COPS2: variants seen among roughly 807,000 people sequenced by gnomAD.
COPS2 encodes the protein COP9 signalosome complex subunit 2.
In COPS2, 10 loss-of-function variants were observed where a neutral mutation model predicts 66.1. That is an observed-to-expected ratio of 0.15 (90% confidence interval 0.09 to 0.26). The LOEUF is 0.26. Ranked by LOEUF, COPS2 falls within the 10% of genes least tolerant of loss-of-function variation. The pLI is 1.00. For synonymous variants in COPS2, 179 were observed against 171.3 expected (o/e 1.04, Z -0.35); for missense variants, 215 against 513.3 (o/e 0.42, Z 5.62).
At chr15:49,145,366 C>T (rs912253668) in intron 1 of COPS2, among the ~76,000 whole-genome samples, 5 of 152,074 alleles carry the variant, frequency 3.3e-5, no homozygotes, top group Non-Finnish European at 7.4e-5. Context: ...AAGAATGCAA[C>T]CTAATATTGG....
intron 1 of COPS2, among the ~76,000 whole-genome samples, chr15:49,148,477 T>C (rs2084337089): frequency 6.6e-6 from 1 of 152,130 alleles, no homozygotes; most frequent in Non-Finnish European, 1.5e-5. Flanking sequence ...GCAATTAACA[T>C]GCAAATGCAA....
intron 1 of COPS2, among the ~76,000 whole-genome samples, chr15:49,153,567 T>C (rs1170496205): frequency 6.6e-6 from 1 of 152,132 alleles, no homozygotes; most frequent in East Asian, 1.9e-4. Context: ...AGAAAATCGG[T>C]CTATTAAAGG....
chr15:49,128,790 T>C, intron 11 of COPS2, 30 bp from the exon 12 acceptor site: 1 of 1,424,032 alleles, frequency 7.0e-7, no homozygotes, highest in Non-Finnish European at 9.8e-7. Flanking sequence ...ATATACCAAT[T>C]AACATTTTAA....
intron 2 of COPS2, 34 bp from the exon 3 acceptor site, chr15:49,144,338 A>C: frequency 8.2e-7 from 1 of 1,217,178 alleles, no homozygotes; most frequent in South Asian, 1.2e-5. Context: ...GTTTATCTTA[A>C]TATTAACACA....
At chr15:49,142,247 A>G (rs1239966647) in intron 3 of COPS2, among the ~76,000 whole-genome samples, 2 of 152,236 alleles carry the variant, frequency 1.3e-5, no homozygotes, top group Admixed American at 1.3e-4. Context: ...ATTTAAGTGC[A>G]ATATACAATA....
intron 6 of COPS2, 52 bp downstream of exon 6, chr15:49,137,098 T>C: frequency 9.0e-7 from 1 of 1,117,158 alleles, no homozygotes; most frequent in African/African-American, 1.6e-5. Flanking sequence ...TTATTGCTTA[T>C]ACTTTTTTTT....
In COPS2 at chr15:49,139,654, C is replaced by A; in HGVS notation, c.247-1G>T. 6.3e-7 allele frequency: 1 copy of A among 1,579,598 alleles called. No homozygotes were observed. Among genetic ancestry groups the A allele is most frequent in the Non-Finnish European group, 8.6e-7 (1 of 1,166,378 alleles). ...TATTCATCATTTCTGGAAAGTTTGT[C>A]TGTGAGAAAAGAAAAATGAATTATC... On this transcript the variant is annotated splice_acceptor_variant, in intron 3 of 12. Coordinates refer to ENST00000388901, the MANE Select transcript of COPS2 (RefSeq NM_004236.4). LOFTEE classifies it high-confidence loss of function.
At chr15:49,150,550 A>C (rs772232162) in intron 1 of COPS2, among the ~76,000 whole-genome samples, 2 of 152,236 alleles carry the variant, frequency 1.3e-5, no homozygotes, top group Non-Finnish European at 2.9e-5. Context: ...ACACAAAAAA[A>C]TAGACAAATA....
intron 6 of COPS2, 69 bp from the exon 7 acceptor site, chr15:49,134,583 G>T: frequency 1.6e-6 from 2 of 1,224,950 alleles, no homozygotes; most frequent in Non-Finnish European, 2.3e-6. Flanking sequence ...GCATTAGCCT[G>T]GAAATCTTAC....
At chr15:49,142,343 TAGG>T (rs1471187263) in intron 3 of COPS2, among the ~76,000 whole-genome samples, 1 of 152,222 alleles carries the variant, frequency 6.6e-6, no homozygotes, top group African/African-American at 2.4e-5. Flanking sequence ...ACAGCTTCTG[TAGG>T]AGATGCCATG....
At chr15:49,137,097 A>G in intron 6 of COPS2, 53 bp downstream of exon 6, 1 of 1,106,972 alleles carries the variant, frequency 9.0e-7, no homozygotes, top group South Asian at 1.5e-5. Context: ...ATTATTGCTT[A>G]TACTTTTTTT....
intron 1 of COPS2, among the ~76,000 whole-genome samples, chr15:49,151,243 T>C (rs1267583779): frequency 6.6e-6 from 1 of 151,702 alleles, no homozygotes; most frequent in African/African-American, 2.4e-5. Flanking sequence ...TCTACTAAAA[T>C]ATAAAAATTA....
intron 2 of COPS2, 113 bp downstream of exon 2, chr15:49,144,852 G>T: frequency 1.7e-6 from 1 of 594,936 alleles, no homozygotes; most frequent in East Asian, 3.0e-5. Flanking sequence ...CTAACTGATA[G>T]GATAATTAAG....
At position 49,123,262 on chromosome 15, in the gene COPS2, T is replaced by C. The variant is rs542584631; in HGVS notation, c.*4688A>G. 55 of 152,312 alleles carry C rather than the reference T, an allele frequency of 3.6e-4. No homozygotes were observed. In the South Asian group the frequency reaches 6.0e-3, roughly 17 times the overall value. The allele number at this position is 152,312 out of a possible 1,614,324, so 9.4% of individuals were successfully genotyped here. A position where few individuals can be genotyped will look rare whatever the true frequency, so the allele number is the denominator to read the frequency against. On this transcript the variant is annotated 3_prime_UTR_variant, in exon 13 of 13. Coordinates refer to ENST00000388901, the MANE Select transcript of COPS2 (RefSeq NM_004236.4). ...GCTAGAGATTACTTTTTCTAAACTC[T>C]AAACTCCCATAAAATGGATGTACAA...
intron 1 of COPS2, among the ~76,000 whole-genome samples, chr15:49,146,153 CAA>C (rs984318187): frequency 2.0e-5 from 3 of 152,086 alleles, no homozygotes; most frequent in Admixed American, 2.0e-4. Context: ...TACATTAACA[CAA>C]GATGAATTTT....
rs2084169871 is a variant in COPS2, at chr15:49,126,683, C to T, written c.*1267G>A. On this transcript the variant is annotated 3_prime_UTR_variant, in exon 13 of 13. Transcript: ENST00000388901. ...TTAAGGTAGTTACCTTGGAAGGCCACAGTTCATTCTCCTAAGTATACTGCC... is the reference window on the plus strand; with the variant it reads ...TTAAGGTAGTTACCTTGGAAGGCCATAGTTCATTCTCCTAAGTATACTGCC... The T allele has an allele frequency of 6.6e-6, 1 of 152,098 alleles. No individual in the cohort carries two copies. The highest frequency in any genetic ancestry group is 2.4e-5 in the African/African-American group (1 of 41,442). The allele number at this position is 152,098 out of a possible 1,614,324, so 9.4% of individuals were successfully genotyped here. A position where few individuals can be genotyped will look rare whatever the true frequency, so the allele number is the denominator to read the frequency against.
At chr15:49,144,347 CATT>C (rs748572889) in intron 2 of COPS2, 43 bp from the exon 3 acceptor site, 7 of 1,154,706 alleles carry the variant, frequency 6.1e-6, no homozygotes, top group East Asian at 4.7e-5. Flanking sequence ...AATATTAACA[CATT>C]ATTTTCTAAT....
Position 49,125,558 on chromosome 15 carries a change from C to T in COPS2, c.*2392G>A, listed in dbSNP as rs143037590. The T allele has an allele frequency of 1.6e-4, 24 of 152,142 alleles. No individual in the cohort carries two copies. Among genetic ancestry groups the T allele is most frequent in the African/African-American group, 5.8e-4 (24 of 41,552 alleles). The allele number at this position is 152,142 out of a possible 1,614,324, so 9.4% of individuals were successfully genotyped here. A position where few individuals can be genotyped will look rare whatever the true frequency, so the allele number is the denominator to read the frequency against. ...TTTAACTTCCCCTAAATTTATATTTCGATAAGCAATCTCTAAGATTTCAAC... is the reference window on the plus strand; with the variant it reads ...TTTAACTTCCCCTAAATTTATATTTTGATAAGCAATCTCTAAGATTTCAAC... On this transcript the variant is annotated 3_prime_UTR_variant, in exon 13 of 13. Coordinates refer to ENST00000388901, the MANE Select transcript of COPS2 (RefSeq NM_004236.4).
In COPS2 at chr15:49,122,954, T is replaced by C. The variant is rs1050073999; in HGVS notation, c.*4996A>G. The C allele has an allele frequency of 3.3e-5, 5 of 152,226 alleles. No homozygotes were observed. Among genetic ancestry groups the C allele is most frequent in the African/African-American group, 9.6e-5 (4 of 41,474 alleles). The allele number at this position is 152,226 out of a possible 1,614,324, so 9.4% of individuals were successfully genotyped here. ...TTAGCTCAAGGAATTTGATACCTTT[T>C]ATATTAGCTTATCATAAACAAAATG... On this transcript the variant is annotated 3_prime_UTR_variant, in exon 13 of 13. Coordinates refer to ENST00000388901, the MANE Select transcript of COPS2 (RefSeq NM_004236.4).
Sources: gnomAD v4.1 joint callset for allele counts (sites outside exome capture counted in the v4.1 genomes callset) on GRCh38, gnomAD v4.1.1 for gene constraint, MANE v1.5 for transcripts, NCBI Gene and HGNC (gene_info 2026-07-23, HGNC 2026-07-21) for gene names.